ASCC2: variants seen among roughly 807,000 people sequenced by gnomAD.
ASCC2 encodes activating signal cointegrator 1 complex subunit 2, also known as ASC-1 complex subunit P100.
In ASCC2, 42 loss-of-function variants were observed where a neutral mutation model predicts 93.5. The observed-to-expected ratio is 0.45, with a 90% CI of 0.35 to 0.58. ASCC2 has a LOEUF of 0.58. Among genes scored for constraint, ASCC2 ranks in the 20% least tolerant of loss-of-function variants. The probability of loss-of-function intolerance (pLI) is 0.00; values close to 1 mark genes in which losing one functional copy is unlikely to be tolerated. For synonymous variants in ASCC2, 364 were observed against 384.2 expected (o/e 0.95, Z 0.62); for missense variants, 859 against 977.6 (o/e 0.88, Z 1.62).
chr22:29,797,896 A>G (rs2147532849), intron 15 of ASCC2, among the ~76,000 whole-genome samples: 1 of 152,186 alleles, frequency 6.6e-6, no homozygotes, highest in East Asian at 1.9e-4. Flanking sequence ...CTCCCGAGTA[A>G]CTGAGATTAC....
intron 5 of ASCC2, among the ~76,000 whole-genome samples, chr22:29,817,011 T>C (rs1169793247): frequency 6.6e-6 from 1 of 152,210 alleles, no homozygotes; most frequent in Non-Finnish European, 1.5e-5. Flanking sequence ...TCGATGACCA[T>C]GCAGCCCTTG....
At chr22:29,805,250 A>G (rs1256940341) in intron 12 of ASCC2, among the ~76,000 whole-genome samples, 1 of 152,200 alleles carries the variant, frequency 6.6e-6, no homozygotes, top group African/African-American at 2.4e-5. Flanking sequence ...GGACTGAGCA[A>G]TCTACTGCAA....
At position 29,815,997 on chromosome 22, in the gene ASCC2, A is replaced by T. The variant is rs1339944052; in HGVS notation, c.609+9T>A. 5 of 1,582,064 alleles carry T rather than the reference A, an allele frequency of 3.2e-6. No homozygotes were observed. The Admixed American group carries it at 9.0e-5, about 29-fold the overall frequency. On this transcript the variant is annotated intron_variant, in intron 6 of 19. Transcript: ENST00000307790. Reference sequence around the variant, plus strand: ...TCAACCTCCCCTGCGCAGGGCCAAGAGCTGGTACCTGAAGGATGGTAGGCA... The same window carrying T: ...TCAACCTCCCCTGCGCAGGGCCAAGTGCTGGTACCTGAAGGATGGTAGGCA...
At chr22:29,796,630 C>T (rs886604391) in intron 15 of ASCC2, among the ~76,000 whole-genome samples, 1 of 152,134 alleles carries the variant, frequency 6.6e-6, no homozygotes, top group East Asian at 1.9e-4. Flanking sequence ...CTTTCACATC[C>T]ACCAGGGAAG....
At chr22:29,806,419 A>C in intron 11 of ASCC2, 66 bp downstream of exon 11, 2 of 1,584,744 alleles carry the variant, frequency 1.3e-6, no homozygotes, top group South Asian at 2.2e-5. Context: ...GCGGGGGTCT[A>C]TCATGTAAGG....
At chr22:29,819,577 G>C (rs990741779) in intron 5 of ASCC2, among the ~76,000 whole-genome samples, 7 of 152,132 alleles carry the variant, frequency 4.6e-5, no homozygotes, top group Non-Finnish European at 1.0e-4. Context: ...TGGTTAAGGG[G>C]ACACAGCCAG....
At chr22:29,815,945 G>A in intron 6 of ASCC2, 61 bp downstream of exon 6, 1 of 1,395,818 alleles carries the variant, frequency 7.2e-7, no homozygotes, top group Non-Finnish European at 1.0e-6. Flanking sequence ...ACACCATTGA[G>A]TTGGGGAGGT....
At chr22:29,828,910 C>T (rs1413700642) in intron 2 of ASCC2, among the ~76,000 whole-genome samples, 1 of 152,178 alleles carries the variant, frequency 6.6e-6, no homozygotes, top group African/African-American at 2.4e-5. Flanking sequence ...TACAGTGGCT[C>T]ATGCCTGTAA....
At position 29,825,178 on chromosome 22, in the gene ASCC2, G is replaced by A. The variant is rs1199994247; in HGVS notation, c.320C>T (p.Ala107Val). The A allele has an allele frequency of 6.4e-7, 1 of 1,564,708 alleles. No individual in the cohort carries two copies. Among genetic ancestry groups the A allele is most frequent in the Non-Finnish European group, 8.6e-7 (1 of 1,156,410 alleles). ...YVPRKFDEGV[A>V]SAPEVVDMQK... is the part of the protein sequence containing the mutation. Reference sequence around the variant, plus strand: ...CATGTCAACAACCTCAGGGGCTGAGGCCACCCCCTCGTCGAATTTGCGGGG... The same window carrying A: ...CATGTCAACAACCTCAGGGGCTGAGACCACCCCCTCGTCGAATTTGCGGGG... Residue 107 changes from alanine (A) to valine (V), a missense_variant, in exon 4 of 20, where the codon GCC becomes GTC. Coordinates refer to ENST00000307790, the MANE Select transcript of ASCC2 (RefSeq NM_032204.5). This position sits in a 1 kb window ranked among gnomAD's most constrained non-coding sequence, Gnocchi z 4.9.
intron 13 of ASCC2, 34 bp from the exon 14 acceptor site, chr22:29,802,242 C>T (rs916251633): frequency 1.9e-5 from 30 of 1,607,190 alleles, no homozygotes; most frequent in Non-Finnish European, 2.1e-5. Flanking sequence ...AAGGGGAAGG[C>T]TAAGTGGGCC....
chr22:29,825,065 T>C lies in ASCC2; in HGVS notation c.411+22A>G. 1 of 1,412,746 alleles carries C rather than the reference T, an allele frequency of 7.1e-7. No homozygotes were observed. The highest frequency in any genetic ancestry group is 9.3e-7 in the Non-Finnish European group (1 of 1,071,490). The allele number at this position is 1,412,746 out of a possible 1,614,324, so 87.5% of individuals were successfully genotyped here. A position where few individuals can be genotyped will look rare whatever the true frequency, so the allele number is the denominator to read the frequency against. On this transcript the variant is annotated intron_variant, in intron 4 of 19. Coordinates refer to ENST00000307790, the MANE Select transcript of ASCC2 (RefSeq NM_032204.5). The surrounding 1 kb of genome is among the most constrained non-coding windows in gnomAD (Gnocchi z 4.9). Reference sequence around the variant, plus strand: ...AGGTGTCGAGTATCGGGTGATGACCTGTCATGGGATCAGTGGCTTACTTTG... The same window carrying C: ...AGGTGTCGAGTATCGGGTGATGACCCGTCATGGGATCAGTGGCTTACTTTG...
At chr22:29,832,091 G>A (rs1313282786) in intron 2 of ASCC2, among the ~76,000 whole-genome samples, 154 bp downstream of exon 2, 1 of 152,144 alleles carries the variant, frequency 6.6e-6, no homozygotes, top group African/African-American at 2.4e-5. Context: ...TTCCTACTCT[G>A]GGCCTGGAAG....
At chr22:29,822,160 T>A in intron 5 of ASCC2, 175 bp downstream of exon 5, 30 of 747,080 alleles carry the variant, frequency 4.0e-5, no homozygotes, top group Non-Finnish European at 5.7e-5. Flanking sequence ...CTAGGTAGTG[T>A]CACTACCTAG....
rs1286372046 is a variant in ASCC2 at position 29,822,258 on chromosome 22, G to T, written c.541+77C>A. 8.2e-6 allele frequency: 13 copies of T among 1,589,298 alleles called. No homozygotes were observed. In the African/African-American group the frequency reaches 1.1e-4, roughly 13 times the overall value. The stretch of plus-strand genomic sequence containing the variant: ...CCCTGAGTCCCTGGGCACTGTCAAA[G>T]CGCTGGCCTTTGCAACCTTTAGTTT... On this transcript the variant is annotated intron_variant, in intron 5 of 19. Coordinates refer to ENST00000307790, the MANE Select transcript of ASCC2 (RefSeq NM_032204.5).
Position 29,822,404 on chromosome 22 carries a change from T to C in ASCC2, c.472A>G (p.Ile158Val), listed in dbSNP as rs772789494. ...ACGCAGAGGTCCAGGATCTTTGGAA[T>C]GTCAAAGAGGAAGTTATTGTAGAGG... ...EILYNNFLFD[I>V]PKILDLCVLF... is the part of the protein sequence containing the mutation. Residue 158 changes from isoleucine to valine, a missense_variant, in exon 5 of 20, where the codon ATT becomes GTT. Transcript: ENST00000307790. 21 of 1,613,914 alleles carry C rather than the reference T, an allele frequency of 1.3e-5. No individual in the cohort carries two copies. The highest frequency in any genetic ancestry group is 1.5e-5 in the Non-Finnish European group (18 of 1,180,014).
At chr22:29,797,731 C>A (rs1227634861) in intron 15 of ASCC2, among the ~76,000 whole-genome samples, 1 of 152,208 alleles carries the variant, frequency 6.6e-6, no homozygotes, top group African/African-American at 2.4e-5. Flanking sequence ...CCCCAAAAGG[C>A]AGACCAAGGG....
At chr22:29,809,995 T>G (rs2060107254) in intron 8 of ASCC2, 1 of 152,196 alleles carries the variant, frequency 6.6e-6, no homozygotes, top group Non-Finnish European at 1.5e-5. Flanking sequence ...CATACCACCC[T>G]TTCCCAACTC....
chr22:29,808,061 T>A lies in ASCC2; in HGVS notation c.908+50A>T, dbSNP rs201737055. ...ATGCCCAGGGAAGGCAGGGCCCTGC[T>A]CGGGCCTCTCTGTCCCACAACAACA... On this transcript the variant is annotated intron_variant, in intron 9 of 19. Transcript: ENST00000307790. 61 of 1,590,084 alleles carry A rather than the reference T, an allele frequency of 3.8e-5. No homozygotes were observed. In the African/African-American group the frequency reaches 7.8e-4, roughly 20 times the overall value.
chr22:29,831,331 T>A (rs542889799), intron 2 of ASCC2, among the ~76,000 whole-genome samples: 1 of 152,364 alleles, frequency 6.6e-6, no homozygotes, highest in South Asian at 2.1e-4. Flanking sequence ...GATTTCCTAA[T>A]TCTGTGACTC....
Sources: gnomAD v4.1 joint callset for allele counts (sites outside exome capture counted in the v4.1 genomes callset) on GRCh38, gnomAD v4.1.1 for gene constraint, Gnocchi (gnomAD v3.1) non-coding constraint, MANE v1.5 for transcripts, NCBI Gene and HGNC (gene_info 2026-07-23, HGNC 2026-07-21) for gene names.